NF1: variants seen among roughly 807,000 people sequenced by gnomAD.
NF1 encodes the protein neurofibromin 1, also known as neurofibromin.
In NF1, 122 loss-of-function variants were observed where a neutral mutation model predicts 325.7. The ratio of observed to expected loss-of-function variants is 0.37; its 90% confidence interval spans 0.32 to 0.44. The LOEUF (loss-of-function observed/expected upper bound fraction) is 0.44, where lower values mean the gene tolerates loss of function less well. NF1 is among the 20% of genes least tolerant of loss of function. The pLI, the probability that NF1 is intolerant of heterozygous loss-of-function variation, is 1.00. For missense variants in NF1, 2,140 were observed against 3,415.4 expected (o/e 0.63, Z 9.31); for synonymous variants, 1,091 against 1,186.0 (o/e 0.92, Z 1.65).
intron 36 of NF1, among the ~76,000 whole-genome samples, chr17:31,279,469 G>A (rs567171284): frequency 3.0e-4 from 45 of 152,100 alleles, no homozygotes; most frequent in African/African-American, 1.1e-3. Flanking sequence ...TGGCTTTTTA[G>A]CGTAGACAGT....
chr17:31,237,974 A>G (rs2067231702), intron 29 of NF1, among the ~76,000 whole-genome samples: 1 of 152,184 alleles, frequency 6.6e-6, no homozygotes, highest in South Asian at 2.1e-4. Context: ...AAAAAACTGA[A>G]AATCAGCAGC....
At chr17:31,301,243 A>G (rs2068567960) in intron 36 of NF1, among the ~76,000 whole-genome samples, 1 of 152,116 alleles carries the variant, frequency 6.6e-6, no homozygotes, top group African/African-American at 2.4e-5. Context: ...TCCCGCTTCC[A>G]GATTATAAAG....
chr17:31,175,345 C>CTTTTTTTTTTT (rs869113407), intron 5 of NF1, among the ~76,000 whole-genome samples: 5 of 71,346 alleles, frequency 7.0e-5, no homozygotes, highest in Non-Finnish European at 9.8e-5. Flanking sequence ...TGTGCTTTTG[C>CTTTTTTTTTTT]TTTTTTTTTT....
chr17:31,373,695 C>G (rs1480854308), intron 57 of NF1, among the ~76,000 whole-genome samples: 2 of 152,202 alleles, frequency 1.3e-5, no homozygotes, highest in Non-Finnish European at 2.9e-5. Context: ...GATTATAATA[C>G]TGTATTTTTA....
intron 54 of NF1, 72 bp downstream of exon 54, chr17:31,357,441 C>A: frequency 2.5e-6 from 3 of 1,210,988 alleles, no homozygotes; most frequent in Non-Finnish European, 3.7e-6. Context: ...CAGTAATGTG[C>A]ACTGGTTGCA....
Position 31,343,225 on chromosome 17 carries a change from G to A in NF1, c.7189+90G>A. The A allele has an allele frequency of 3.1e-6, 4 of 1,292,000 alleles. No homozygotes were observed. In the Admixed American group the frequency reaches 5.6e-5, roughly 18 times the overall value. 80.0% of individuals were successfully genotyped at this position (1,292,000 alleles called of 1,614,324 possible). A position where few individuals can be genotyped will look rare whatever the true frequency, so the allele number is the denominator to read the frequency against. ...AAGTGATTACTTGAAATAAATTGAA[G>A]TAAGTTAGCCCTTATGTCTTACTTT... On this transcript the variant is annotated intron_variant, in intron 48 of 57. Coordinates refer to ENST00000358273, the MANE Select transcript of NF1 (RefSeq NM_001042492.3).
chr17:31,260,886 G>C (rs1284152784), intron 34 of NF1, among the ~76,000 whole-genome samples: 1 of 149,836 alleles, frequency 6.7e-6, no homozygotes, highest in Non-Finnish European at 1.5e-5. Context: ...AATATTGTCA[G>C]TGTTTTAATT....
At chr17:31,151,934 C>T (rs984860776) in intron 1 of NF1, among the ~76,000 whole-genome samples, 48 of 151,854 alleles carry the variant, frequency 3.2e-4, no homozygotes, top group African/African-American at 9.9e-4. Context: ...GCACAATGTG[C>T]AGGTTTGTTA....
At chr17:31,277,017 ATTC>A (rs2151481173) in intron 36 of NF1, among the ~76,000 whole-genome samples, 1 of 152,352 alleles carries the variant, frequency 6.6e-6, no homozygotes, top group South Asian at 2.1e-4. Flanking sequence ...TATATGCTAT[ATTC>A]TTAGAGTGAA....
In NF1 at chr17:31,182,639, G is replaced by A. The variant is rs755670651; in HGVS notation, c.862G>A (p.Val288Met). ...PEIIQDISKD[V>M]VDENNMNKKL... is the part of the protein sequence containing the mutation. ...AATAATCCAGGATATATCCAAAGACGTGGTTGATGAAAACAACATGAATAA... is the reference window on the plus strand; with the variant it reads ...AATAATCCAGGATATATCCAAAGACATGGTTGATGAAAACAACATGAATAA... The change falls in exon 8 of 58, where the codon GTG becomes ATG. Residue 288 changes from valine to methionine, a missense_variant. Transcript: ENST00000358273. The A allele has an allele frequency of 5.6e-6, 9 of 1,613,570 alleles. No homozygotes were observed. The highest frequency in any genetic ancestry group is 5.9e-6 in the Non-Finnish European group (7 of 1,179,840).
In NF1 at chr17:31,229,110, A is replaced by G. The variant is rs1060500283; in HGVS notation, c.2495A>G (p.Asp832Gly). 1 of 1,611,692 alleles carries G rather than the reference A, an allele frequency of 6.2e-7. No individual in the cohort carries two copies. Among genetic ancestry groups the G allele is most frequent in the Non-Finnish European group, 8.5e-7 (1 of 1,179,754 alleles). The change falls in exon 21 of 58, where the codon GAC becomes GGC. Residue 832 changes from aspartate (D) to glycine (G), a missense_variant. By Grantham distance (94) the Asp-to-Gly change is moderately conservative. Around this residue, in one of 10 missense-constraint regions of NF1, gnomAD observed 380 missense variants for 639.3 expected, o/e 0.59. Coordinates refer to ENST00000358273, the MANE Select transcript of NF1 (RefSeq NM_001042492.3). ...GGGSIDLSDTDSLQEWINMTG... is the reference protein window; with the variant it reads ...GGGSIDLSDTGSLQEWINMTG... The stretch of plus-strand genomic sequence containing the variant: ...GGATCCATAGATTTGTCTGACACAG[A>G]CTCCCTACAGGAATGGATCAACATG...
chr17:31,280,206 T>G (rs1466416510), intron 36 of NF1, among the ~76,000 whole-genome samples: 1 of 151,224 alleles, frequency 6.6e-6, no homozygotes, highest in Admixed American at 6.6e-5. Context: ...AAAGTTTTTT[T>G]TTAATTTTTT....
At chr17:31,281,754 C>T (rs1325595991) in intron 36 of NF1, among the ~76,000 whole-genome samples, 1 of 152,132 alleles carries the variant, frequency 6.6e-6, no homozygotes, top group African/African-American at 2.4e-5. Context: ...TGAAATTCAC[C>T]CTTTTTGAAG....
chr17:31,117,347 C>G (rs1189337891), intron 1 of NF1, among the ~76,000 whole-genome samples: 1 of 151,698 alleles, frequency 6.6e-6, no homozygotes, highest in Non-Finnish European at 1.5e-5. Flanking sequence ...AGCATTTTTC[C>G]TTTTTTCACT....
chr17:31,157,882 C>T (rs1046723320), intron 2 of NF1, among the ~76,000 whole-genome samples: 22 of 151,106 alleles, frequency 1.5e-4, no homozygotes, highest in African/African-American at 5.3e-4. Flanking sequence ...AGGAGAATGG[C>T]GTGAACCCGG....
At chr17:31,343,437 T>C (rs577883834) in intron 48 of NF1, among the ~76,000 whole-genome samples, 34 of 152,100 alleles carry the variant, frequency 2.2e-4, no homozygotes, top group African/African-American at 8.2e-4. Context: ...CCCAGCTACT[T>C]AGGAGGCATA....
intron 1 of NF1, among the ~76,000 whole-genome samples, chr17:31,108,050 T>C (rs567637045): frequency 6.6e-6 from 1 of 151,794 alleles, no homozygotes; most frequent in African/African-American, 2.4e-5. Context: ...GGAGGATGGC[T>C]TGAGCCCAGG....
rs2952999 is a variant in NF1, at chr17:31,182,783, G to T, written c.888+118G>T. 639,377 of 984,026 alleles carry T rather than the reference G, an allele frequency of 0.65. 215,062 individuals carry two copies. Among genetic ancestry groups the T allele is most frequent in the Middle Eastern group, 0.75 (2,466 of 3,276 alleles). The allele number at this position is 984,026 out of a possible 1,614,324, so 61.0% of individuals were successfully genotyped here. On this transcript the variant is annotated intron_variant, in intron 8 of 57. Transcript: ENST00000358273. Reference sequence around the variant, plus strand: ...AAGTATTTCAGGGAACCATTTAAATGATCATTTTAGGTTTCTTTGTTTGAT... The same window carrying T: ...AAGTATTTCAGGGAACCATTTAAATTATCATTTTAGGTTTCTTTGTTTGAT...
At chr17:31,305,451 C>A (rs1296010867) in intron 36 of NF1, 2 of 1,613,968 alleles carry the variant, frequency 1.2e-6, no homozygotes, top group Admixed American at 3.3e-5. Flanking sequence ...CCAAAGGATT[C>A]CCTGTTGTGT....
Sources: gnomAD v4.1 joint callset for allele counts (sites outside exome capture counted in the v4.1 genomes callset) on GRCh38, gnomAD v4.1.1 for gene constraint, gnomAD v4.1.1 regional missense constraint, MANE v1.5 for transcripts, NCBI Gene and HGNC (gene_info 2026-07-23, HGNC 2026-07-21) for gene names.